Variants in ADCY2 observed in about 807,000 individuals in gnomAD.
ADCY2 encodes the protein adenylate cyclase 2.
In ADCY2, 31 loss-of-function variants were observed where a neutral mutation model predicts 125.2. The ratio of observed to expected loss-of-function variants is 0.25; its 90% CI spans 0.19 to 0.33. The LOEUF (loss-of-function observed/expected upper bound fraction) is 0.33, where lower values mean the gene tolerates loss of function less well. Ranked by LOEUF, ADCY2 falls within the 10% of genes least tolerant of loss-of-function variation. The probability of loss-of-function intolerance (pLI) is 1.00; values close to 1 mark genes in which losing one functional copy is unlikely to be tolerated. For synonymous variants in ADCY2, 512 were observed against 548.4 expected, an observed-to-expected ratio of 0.93 and a Z score of 0.93; for missense variants, 904 against 1,418.2, an observed-to-expected ratio of 0.64 and a Z score of 5.82.
intron 3 of ADCY2, among the ~76,000 whole-genome samples, chr5:7,540,499 C>G (rs1046485747): frequency 5.9e-5 from 9 of 152,154 alleles, no homozygotes; most frequent in Non-Finnish European, 1.3e-4. Flanking sequence ...ACATCCTCTG[C>G]TGGATTTTAA....
At chr5:7,534,950 A>G (rs533159869) in intron 3 of ADCY2, among the ~76,000 whole-genome samples, 3 of 152,180 alleles carry the variant, frequency 2.0e-5, no homozygotes, top group Non-Finnish European at 4.4e-5. Context: ...GCTTATTTCT[A>G]TGTGTTTCCC....
chr5:7,686,937 A>G (rs1258498578), intron 4 of ADCY2, among the ~76,000 whole-genome samples: 1 of 152,140 alleles, frequency 6.6e-6, no homozygotes, highest in Non-Finnish European at 1.5e-5. Flanking sequence ...GTGATCACCT[A>G]GAGGGCATAT....
chr5:7,549,828 G>A (rs1045957028), intron 3 of ADCY2, among the ~76,000 whole-genome samples: 3 of 152,152 alleles, frequency 2.0e-5, no homozygotes, highest in Admixed American at 6.6e-5. Flanking sequence ...GGTCGTACCC[G>A]GAAGTGGCTT....
intron 17 of ADCY2, among the ~76,000 whole-genome samples, chr5:7,770,009 CT>C (rs1743509226): frequency 6.6e-6 from 1 of 152,182 alleles, no homozygotes; most frequent in Non-Finnish European, 1.5e-5. Flanking sequence ...GGCTCCCAGC[CT>C]GGTATCCTGC....
chr5:7,412,070 G>T (rs910149420), intron 1 of ADCY2, among the ~76,000 whole-genome samples: 1 of 142,918 alleles, frequency 7.0e-6, no homozygotes, highest in Non-Finnish European at 1.6e-5. Flanking sequence ...GCGAGACTCC[G>T]TCTCAAAAAA....
In ADCY2 at chr5:7,568,854, T is replaced by TC. The variant is rs1037513713; in HGVS notation, c.570+47957dup. 7.2e-5 allele frequency among the ~76,000 whole-genome samples: 11 copies of TC among 152,076 alleles called. No homozygotes were observed. In the East Asian group the frequency reaches 1.4e-3, roughly 19 times the overall value. On this transcript the variant is annotated intron_variant, in intron 3 of 24. Transcript: ENST00000338316. ...CCTTGCATGTGAAGTACATTTTTTT[T>TC]CCTCAGTTTGTCAGCCATGATGACA...
intron 3 of ADCY2, among the ~76,000 whole-genome samples, chr5:7,575,520 G>T (rs1736219393): frequency 6.6e-6 from 1 of 151,748 alleles, no homozygotes; most frequent in Non-Finnish European, 1.5e-5. Flanking sequence ...TTTTTTATTG[G>T]TTCCTTTTTT....
chr5:7,759,480 G>C (rs929085979), intron 16 of ADCY2, among the ~76,000 whole-genome samples: 1 of 152,226 alleles, frequency 6.6e-6, no homozygotes, highest in African/African-American at 2.4e-5. Context: ...GCAGTCCCCT[G>C]TGGAGAGGTC....
chr5:7,475,895 A>T (rs993938161), intron 2 of ADCY2, among the ~76,000 whole-genome samples: 1 of 152,170 alleles, frequency 6.6e-6, no homozygotes, highest in African/African-American at 2.4e-5. Context: ...AGCCAAGTGG[A>T]GATGTCATAC....
At chr5:7,781,390 T>A (rs1310876237) in intron 18 of ADCY2, among the ~76,000 whole-genome samples, 1 of 152,174 alleles carries the variant, frequency 6.6e-6, no homozygotes, top group Non-Finnish European at 1.5e-5. Flanking sequence ...TAAGATGAGG[T>A]CATGCTGAAG....
intron 2 of ADCY2, among the ~76,000 whole-genome samples, chr5:7,422,881 C>G (rs1740261799): frequency 6.6e-6 from 1 of 152,124 alleles, no homozygotes; most frequent in African/African-American, 2.4e-5. Flanking sequence ...AATCCTTTTG[C>G]TTTTCCTCTA....
intron 3 of ADCY2, among the ~76,000 whole-genome samples, chr5:7,603,085 C>G (rs1280447978): frequency 6.6e-6 from 1 of 152,144 alleles, no homozygotes; most frequent in Non-Finnish European, 1.5e-5. Context: ...GAATAAGTAG[C>G]AAAGTAGAAG....
rs60705318 is a variant in ADCY2 at position 7,501,646 on chromosome 5, TCCCCCC to T, written c.409-19085_409-19080del. ...ATCAAAAAAGAATGAGATTCCCCCC[TCCCCCC>T]CCCCCCGCCAGTAACTTCAAGTTAT... On this transcript the variant is annotated intron_variant, in intron 2 of 24. Coordinates refer to ENST00000338316, the MANE Select transcript of ADCY2 (RefSeq NM_020546.3). Among the ~76,000 whole-genome samples, 5 of 40,526 alleles carry T rather than the reference TCCCCCC, an allele frequency of 1.2e-4. 2 individuals are homozygous for T. Among genetic ancestry groups the T allele is most frequent in the Non-Finnish European group, 2.1e-4 (5 of 23,260 alleles). 26.6% of individuals were successfully genotyped at this position (40,526 alleles called of 152,430 possible). A position where few individuals can be genotyped will look rare whatever the true frequency, so the allele number is the denominator to read the frequency against.
intron 4 of ADCY2, among the ~76,000 whole-genome samples, chr5:7,675,703 C>T (rs951669415): frequency 6.6e-6 from 1 of 152,150 alleles, no homozygotes; most frequent in Non-Finnish European, 1.5e-5. Flanking sequence ...CAAAATATAT[C>T]AGGAGAGACT....
At chr5:7,800,559 G>C (rs942906567) in intron 20 of ADCY2, 1 of 152,264 alleles carries the variant, frequency 6.6e-6, no homozygotes. Context: ...CTACTCAGTA[G>C]GCTGAGGGAG....
chr5:7,722,784 C>T (rs1579356882), intron 12 of ADCY2, among the ~76,000 whole-genome samples: 1 of 151,836 alleles, frequency 6.6e-6, no homozygotes, highest in East Asian at 1.9e-4. Context: ...CATGGAGAAA[C>T]CCCATCTCTA....
chr5:7,528,173 G>T (rs1350272202), intron 3 of ADCY2, among the ~76,000 whole-genome samples: 1 of 152,152 alleles, frequency 6.6e-6, no homozygotes, highest in African/African-American at 2.4e-5. Context: ...AGTGCCTAAG[G>T]TGACTAAATC....
At chr5:7,629,111 T>C (rs1355613904) in intron 4 of ADCY2, among the ~76,000 whole-genome samples, 2 of 152,224 alleles carry the variant, frequency 1.3e-5, no homozygotes, top group African/African-American at 4.8e-5. Flanking sequence ...AGAAAACAGT[T>C]TCAGTCATTG....
intron 3 of ADCY2, among the ~76,000 whole-genome samples, chr5:7,549,636 T>G (rs999158984): frequency 1.3e-5 from 2 of 152,212 alleles, no homozygotes; most frequent in East Asian, 1.9e-4. Context: ...TCCCTGTGAT[T>G]ATGACTCCTT....
Sources: allele counts gnomAD v4.1 joint callset (sites outside exome capture counted in the v4.1 genomes callset), GRCh38; gene constraint gnomAD v4.1.1; transcripts MANE v1.5; gene names NCBI Gene and HGNC (gene_info 2026-07-23, HGNC 2026-07-21).